Variants in MEMO1 observed in about 807,000 individuals in gnomAD.
The protein encoded by MEMO1 is protein MEMO1.
Under a neutral mutation model 45.2 loss-of-function variants are expected in MEMO1, and 6 were observed. The ratio of observed to expected loss-of-function variants is 0.13; its 90% confidence interval spans 0.07 to 0.26. MEMO1 has a LOEUF of 0.26. Among genes scored for constraint, MEMO1 ranks in the 10% least tolerant of loss-of-function variants. MEMO1 has a pLI of 1.00. For missense variants in MEMO1, 184 were observed against 370.5 expected, an observed-to-expected ratio of 0.50 and a Z score of 4.13; for synonymous variants, 78 against 124.3, an observed-to-expected ratio of 0.63 and a Z score of 2.48.
At chr2:31,963,269 A>G in intron 2 of MEMO1, 5 of 1,533,760 alleles carry the variant, frequency 3.3e-6, no homozygotes, top group South Asian at 1.2e-5. Context: ...ATCTCTTTCT[A>G]TATTGAAGAT....
chr2:31,943,962 C>T (rs1665913420), intron 2 of MEMO1, among the ~76,000 whole-genome samples: 1 of 152,206 alleles, frequency 6.6e-6, no homozygotes, highest in Non-Finnish European at 1.5e-5. Context: ...AACCTGTTAA[C>T]TCCAACAGAC....
intron 4 of MEMO1, among the ~76,000 whole-genome samples, chr2:31,927,330 T>C (rs191137485): frequency 6.6e-6 from 1 of 152,242 alleles, no homozygotes; most frequent in Admixed American, 6.5e-5. Flanking sequence ...AAAAAATAAG[T>C]ACAAAAATTC....
chr2:31,961,305 C>T (rs1667980347), intron 2 of MEMO1, among the ~76,000 whole-genome samples: 1 of 151,650 alleles, frequency 6.6e-6, no homozygotes, highest in African/African-American at 2.4e-5. Flanking sequence ...TTGTAGTGAG[C>T]GAGATCACAC....
chr2:31,964,494 C>T (rs569158513), intron 2 of MEMO1, among the ~76,000 whole-genome samples: 2 of 151,080 alleles, frequency 1.3e-5, no homozygotes, highest in Middle Eastern at 3.4e-3. Flanking sequence ...GTCAGGAGTT[C>T]GAGATCAGCC....
At chr2:31,972,413 A>G (rs994481207) in intron 2 of MEMO1, among the ~76,000 whole-genome samples, 2 of 152,232 alleles carry the variant, frequency 1.3e-5, no homozygotes, top group Non-Finnish European at 2.9e-5. Flanking sequence ...ACAGAAAAGG[A>G]TAAGAGAATA....
chr2:31,988,319 G>T (rs573793528), intron 2 of MEMO1, among the ~76,000 whole-genome samples: 1 of 152,294 alleles, frequency 6.6e-6, no homozygotes, highest in African/African-American at 2.4e-5. Flanking sequence ...GGCTGAGGCA[G>T]GCGGATCACT....
chr2:31,979,273 G>A (rs1309378773), intron 2 of MEMO1, among the ~76,000 whole-genome samples: 3 of 151,988 alleles, frequency 2.0e-5, no homozygotes, highest in Non-Finnish European at 1.5e-5. Context: ...CAACGCCTGG[G>A]GATTACAATT....
At chr2:31,990,825 G>C (rs1047297009) in intron 2 of MEMO1, among the ~76,000 whole-genome samples, 2 of 152,060 alleles carry the variant, frequency 1.3e-5, no homozygotes, top group African/African-American at 4.8e-5. Context: ...AGGCTATAAA[G>C]AGATTCTGAG....
At chr2:31,959,886 A>G (rs1667811926) in intron 2 of MEMO1, among the ~76,000 whole-genome samples, 1 of 152,230 alleles carries the variant, frequency 6.6e-6, no homozygotes, top group Non-Finnish European at 1.5e-5. Flanking sequence ...CTCAAATAGC[A>G]AACAACCTGA....
chr2:31,883,864 T>TA (rs1364150298), intron 7 of MEMO1, among the ~76,000 whole-genome samples: 3 of 151,726 alleles, frequency 2.0e-5, no homozygotes, highest in Non-Finnish European at 4.4e-5. Flanking sequence ...CTAAAAGCCT[T>TA]AGCTTTTGCT....
At chr2:31,888,562 T>C (rs547579660) in intron 7 of MEMO1, among the ~76,000 whole-genome samples, 46 of 152,184 alleles carry the variant, frequency 3.0e-4, no homozygotes, top group Non-Finnish European at 5.0e-4. Context: ...AGCCATCCTA[T>C]AGGATATAGA....
intron 6 of MEMO1, among the ~76,000 whole-genome samples, chr2:31,895,207 CCAAAAGAAATTATAAGTCATG>C (rs1677575382): frequency 6.6e-6 from 1 of 152,048 alleles, no homozygotes; most frequent in Non-Finnish European, 1.5e-5. Flanking sequence ...ATGTCCAGTT[CCAAAAGAAATTATAAGTCATG>C]CAAAGAAACA....
intron 4 of MEMO1, among the ~76,000 whole-genome samples, chr2:31,926,740 G>A (rs577610079): frequency 1.9e-4 from 29 of 151,972 alleles, no homozygotes; most frequent in Non-Finnish European, 2.2e-4. Flanking sequence ...CTACCTACTC[G>A]GGAGACCGAG....
rs988167657 is a variant in MEMO1, at chr2:31,868,163, G to A, written c.*198C>T. The A allele has an allele frequency of 1.7e-5, 7 of 402,708 alleles. No homozygotes were observed. Among genetic ancestry groups the A allele is most frequent in the Non-Finnish European group, 2.9e-5 (7 of 238,098 alleles). The allele number at this position is 402,708 out of a possible 1,614,324, so 24.9% of individuals were successfully genotyped here. ...TTTTGATGCCAGCCTTCCTTCCACT[G>A]CCCTAAACTATAAAGCATTTTTTAA... On this transcript the variant is annotated 3_prime_UTR_variant, in exon 10 of 10. Coordinates refer to ENST00000404530, the MANE Select transcript of MEMO1 (RefSeq NM_001301833.4).
chr2:31,914,479 A>C (rs1399405218), intron 6 of MEMO1, among the ~76,000 whole-genome samples: 1 of 152,214 alleles, frequency 6.6e-6, no homozygotes, highest in Non-Finnish European at 1.5e-5. Flanking sequence ...TTTTTAAGTA[A>C]CTAAAAGAAT....
At chr2:31,869,026 A>G (rs1178280379) in intron 9 of MEMO1, among the ~76,000 whole-genome samples, 1 of 152,212 alleles carries the variant, frequency 6.6e-6, no homozygotes, top group Non-Finnish European at 1.5e-5. Context: ...TCAATTTTCA[A>G]AAATTAGTTT....
At position 31,869,909 on chromosome 2, in the gene MEMO1, T is replaced by C. The variant is rs760879141; in HGVS notation, c.701A>G (p.Asn234Ser). The change falls in exon 9 of 10, where the codon AAT becomes AGT. Residue 234 changes from asparagine (N) to serine (S), a missense_variant. Transcript: ENST00000404530. ...IEQLDPVSFS[N>S]YLKKYHNTIC... is the part of the protein sequence containing the mutation. Reference sequence around the variant, plus strand: ...AGTATTATGGTATTTCTTCAAGTAATTGCTAAAAGATACAGGGTCTAATTG... The same window carrying C: ...AGTATTATGGTATTTCTTCAAGTAACTGCTAAAAGATACAGGGTCTAATTG... The C allele has an allele frequency of 3.9e-5, 62 of 1,584,378 alleles. No homozygotes were observed. The highest frequency in any genetic ancestry group is 5.2e-5 in the Non-Finnish European group (61 of 1,170,388).
At chr2:31,947,449 A>G (rs931627944) in intron 2 of MEMO1, among the ~76,000 whole-genome samples, 1 of 152,232 alleles carries the variant, frequency 6.6e-6, no homozygotes. Context: ...AGACTAGCCA[A>G]TACTTGCCAA....
At chr2:31,969,639 G>C (rs2148453729) in intron 2 of MEMO1, among the ~76,000 whole-genome samples, 2 of 142,034 alleles carry the variant, frequency 1.4e-5, no homozygotes, top group Admixed American at 1.5e-4. Flanking sequence ...GTGTGTTTAA[G>C]ACAGGCTCTC....
Sources: gnomAD v4.1 joint callset for allele counts (sites outside exome capture counted in the v4.1 genomes callset) on GRCh38, gnomAD v4.1.1 for gene constraint, MANE v1.5 for transcripts, NCBI Gene and HGNC (gene_info 2026-07-23, HGNC 2026-07-21) for gene names.